The following ARHGEF38 variants were observed in gnomAD, a reference collection of about 807,000 sequenced individuals.
The protein encoded by ARHGEF38 is Rho guanine nucleotide exchange factor (GEF) 38.
In ARHGEF38, 79 loss-of-function variants were observed where a neutral mutation model predicts 79.9. The ratio of observed to expected loss-of-function variants is 0.99; its 90% CI spans 0.82 to 1.19. The LOEUF (loss-of-function observed/expected upper bound fraction) is 1.19, where lower values mean the gene tolerates loss of function less well. ARHGEF38 is among the 50% of genes most tolerant of loss of function. The probability of loss-of-function intolerance (pLI) is 0.00; values close to 1 mark genes in which losing one functional copy is unlikely to be tolerated. For synonymous variants in ARHGEF38, 366 were observed against 328.3 expected (o/e 1.11, Z -1.24); for missense variants, 962 against 907.2 (o/e 1.06, Z -0.78).
chr4:105,564,188 A>G (rs897335046), intron 1 of ARHGEF38, among the ~76,000 whole-genome samples: 1 of 152,212 alleles, frequency 6.6e-6, no homozygotes, highest in African/African-American at 2.4e-5. Flanking sequence ...TGCAAAGAAA[A>G]AAATAGGTTT....
At chr4:105,626,054 C>T (rs1020331862) in intron 3 of ARHGEF38, among the ~76,000 whole-genome samples, 11 of 152,156 alleles carry the variant, frequency 7.2e-5, no homozygotes, top group Non-Finnish European at 1.3e-4. Flanking sequence ...TCTTATACTA[C>T]CCAATTTTTA....
chr4:105,600,678 A>C (rs1727783206), intron 2 of ARHGEF38, among the ~76,000 whole-genome samples: 1 of 151,986 alleles, frequency 6.6e-6, no homozygotes, highest in Non-Finnish European at 1.5e-5. Context: ...TCCCCACTCA[A>C]ATCTCTACTT....
intron 5 of ARHGEF38, among the ~76,000 whole-genome samples, chr4:105,642,340 G>A (rs749144823): frequency 2.6e-5 from 4 of 152,184 alleles, no homozygotes; most frequent in East Asian, 1.9e-4. Context: ...TTTTGAGAAC[G>A]CCTTTTTTAG....
intron 10 of ARHGEF38, among the ~76,000 whole-genome samples, chr4:105,665,374 A>G (rs2110574286): frequency 6.6e-6 from 1 of 151,978 alleles, no homozygotes. Context: ...ATGCGTGGCT[A>G]TAATCCCAGC....
chr4:105,614,276 A>G (rs971571189), intron 3 of ARHGEF38, among the ~76,000 whole-genome samples: 1 of 152,064 alleles, frequency 6.6e-6, no homozygotes, highest in African/African-American at 2.4e-5. Context: ...ATATACAATA[A>G]CTCCTCATTA....
At chr4:105,671,945 G>A (rs770074048) in intron 13 of ARHGEF38, among the ~76,000 whole-genome samples, 6 of 152,056 alleles carry the variant, frequency 3.9e-5, no homozygotes, top group Non-Finnish European at 7.4e-5. Context: ...GGTGTTGTAG[G>A]ATGTAGTCTG....
rs545786491 is a variant in ARHGEF38 at position 105,657,016 on chromosome 4, GAGAT to G, written c.1233+1303_1233+1306del. Among the ~76,000 whole-genome samples, 86 of 151,824 alleles carry G rather than the reference GAGAT, an allele frequency of 5.7e-4. No individual in the cohort carries two copies. In the East Asian group the frequency reaches 0.014, roughly 25 times the overall value. ...CAGGCAGATAGATGATGGTGATGAT[GAGAT>G]AGATAGATGATAGATAGATAGATAG... On this transcript the variant is annotated intron_variant, in intron 9 of 13. Coordinates refer to ENST00000420470, the MANE Select transcript of ARHGEF38 (RefSeq NM_001242729.2).
At chr4:105,681,652 A>G (rs1731314138), downstream of ARHGEF38, among the ~76,000 whole-genome samples, 2 of 152,182 alleles carry the variant, frequency 1.3e-5, no homozygotes, top group African/African-American at 4.8e-5. Flanking sequence ...GACTTAACCC[A>G]CTTATGCCTA....
chr4:105,610,520 T>C (rs934252585), intron 2 of ARHGEF38, among the ~76,000 whole-genome samples: 1 of 152,100 alleles, frequency 6.6e-6, no homozygotes, highest in African/African-American at 2.4e-5. Flanking sequence ...GAATGATTAA[T>C]AAATATAAAT....
intron 1 of ARHGEF38, among the ~76,000 whole-genome samples, chr4:105,576,119 T>C (rs1231929399): frequency 6.6e-6 from 1 of 152,168 alleles, no homozygotes; most frequent in Non-Finnish European, 1.5e-5. Context: ...AGGATCGCTT[T>C]AGTTATTTGG....
chr4:105,639,274 A>T lies in ARHGEF38; in HGVS notation c.674+2854A>T, dbSNP rs1442470894. On this transcript the variant is annotated intron_variant, in intron 5 of 13. Coordinates refer to ENST00000420470, the MANE Select transcript of ARHGEF38 (RefSeq NM_001242729.2). ...TTTGTAATGTCTCTTTAATTAGTGC[A>T]TATTAACCTTTGTCTTATGTATTAT... Among the ~76,000 whole-genome samples the T allele has an allele frequency of 1.2e-4, 18 of 152,100 alleles. 1 individual carries two copies. The East Asian group carries it at 3.3e-3, about 28-fold the overall frequency.
At chr4:105,665,006 T>C (rs2110573632) in intron 10 of ARHGEF38, among the ~76,000 whole-genome samples, 1 of 152,202 alleles carries the variant, frequency 6.6e-6, no homozygotes, top group East Asian at 1.9e-4. Flanking sequence ...GTTGCTGTTG[T>C]TGTTGTTGAG....
chr4:105,605,949 C>T (rs7687176), intron 2 of ARHGEF38, among the ~76,000 whole-genome samples: 8,517 of 152,140 alleles, frequency 0.056, 264 homozygotes, highest in Middle Eastern at 0.078. Context: ...CCCATGGCAG[C>T]TTTCTTCCAC....
At chr4:105,576,895 C>A (rs1458758203) in intron 1 of ARHGEF38, among the ~76,000 whole-genome samples, 1 of 152,060 alleles carries the variant, frequency 6.6e-6, no homozygotes, top group Non-Finnish European at 1.5e-5. Context: ...GTTTTTAATT[C>A]TGCTTATGTG....
intron 1 of ARHGEF38, among the ~76,000 whole-genome samples, chr4:105,568,649 A>G (rs537945802): frequency 1.3e-5 from 2 of 152,346 alleles, no homozygotes; most frequent in East Asian, 3.9e-4. Context: ...ATGAAATTAT[A>G]TATTAGTTAA....
intron 2 of ARHGEF38, among the ~76,000 whole-genome samples, chr4:105,601,327 T>C (rs1278100121): frequency 1.3e-5 from 2 of 152,186 alleles, no homozygotes; most frequent in East Asian, 3.8e-4. Flanking sequence ...TGCTACTTCA[T>C]GTCCGTCAAG....
chr4:105,633,159 A>G (rs1262571310), intron 4 of ARHGEF38: 1 of 152,444 alleles, frequency 6.6e-6, no homozygotes, highest in Admixed American at 6.5e-5. Context: ...AGGTTTAGAA[A>G]GCAAAAAAGC....
intron 4 of ARHGEF38, chr4:105,631,406 G>C (rs1437589869): frequency 1.0e-5 from 10 of 992,280 alleles, no homozygotes; most frequent in Non-Finnish European, 1.2e-5. Flanking sequence ...ATGACCACTG[G>C]AGCACATGGG....
At chr4:105,628,220 A>T (rs1358847914) in intron 3 of ARHGEF38, among the ~76,000 whole-genome samples, 1 of 152,072 alleles carries the variant, frequency 6.6e-6, no homozygotes, top group African/African-American at 2.4e-5. Context: ...GATTGTCCTT[A>T]CCTCTTTCCT....
Sources: gnomAD v4.1 joint callset for allele counts (sites outside exome capture counted in the v4.1 genomes callset) on GRCh38, gnomAD v4.1.1 for gene constraint, MANE v1.5 for transcripts, NCBI Gene and HGNC (gene_info 2026-07-23, HGNC 2026-07-21) for gene names.